Variants in DOK5 observed in about 807,000 individuals in gnomAD.
DOK5 encodes the protein downstream of tyrosine kinase 5.
Under a neutral mutation model 43.3 loss-of-function variants are expected in DOK5, and 27 were observed. The ratio of observed to expected loss-of-function variants is 0.62; its 90% CI spans 0.46 to 0.86. The LOEUF is 0.86. Ranked by LOEUF, DOK5 falls within the 40% of genes least tolerant of loss-of-function variation. The pLI is 0.00. For missense variants in DOK5, 373 were observed against 392.9 expected (o/e 0.95, Z 0.43); for synonymous variants, 146 against 140.1 (o/e 1.04, Z -0.30).
At chr20:54,476,296 G>T (rs1981422335) in intron 1 of DOK5, 1 of 868,086 alleles carries the variant, frequency 1.2e-6, no homozygotes, top group Admixed American at 6.2e-5. Flanking sequence ...AATATTTCTC[G>T]GTAGCCATGG....
At chr20:54,547,863 G>C (rs1984399181) in intron 1 of DOK5, among the ~76,000 whole-genome samples, 1 of 152,096 alleles carries the variant, frequency 6.6e-6, no homozygotes, top group African/African-American at 2.4e-5. Context: ...TTCAAATCAG[G>C]GGCTTTGAAG....
In DOK5 at chr20:54,643,504, T is replaced by A. The variant is rs902035867; in HGVS notation, c.782T>A (p.Val261Glu). Residue 261 changes from valine (V) to glutamate (E), a missense_variant, in exon 7 of 8, where the codon GTG (valine) becomes GAG (glutamate). Physicochemically the swap from Val to Glu is moderately radical, Grantham distance 121. Coordinates refer to ENST00000262593, the MANE Select transcript of DOK5 (RefSeq NM_018431.5). ...CGGGCCGCCTCGCTGAGCACCATGG[T>A]GCCCCTGCCTCGCAGCGCCTACTGG... ...SERAASLSTM[V>E]PLPRSAYWQH... 5.0e-6 allele frequency: 8 copies of A among 1,613,566 alleles called. No individual in the cohort carries two copies. Among genetic ancestry groups the A allele is most frequent in the African/African-American group, 1.3e-5 (1 of 74,934 alleles).
intron 5 of DOK5, among the ~76,000 whole-genome samples, chr20:54,601,868 A>T (rs1986308118): frequency 6.6e-6 from 1 of 152,228 alleles, no homozygotes; most frequent in Non-Finnish European, 1.5e-5. Flanking sequence ...CTTTAATTAA[A>T]GCTGATCCTT....
At chr20:54,640,161 T>C (rs1600760369) in intron 6 of DOK5, among the ~76,000 whole-genome samples, 1 of 152,094 alleles carries the variant, frequency 6.6e-6, no homozygotes, top group Non-Finnish European at 1.5e-5. Flanking sequence ...CAAGCAGGCA[T>C]GGGGAGAACG....
intron 1 of DOK5, among the ~76,000 whole-genome samples, chr20:54,533,011 G>A (rs909730574): frequency 2.0e-5 from 3 of 152,194 alleles, no homozygotes; most frequent in African/African-American, 7.2e-5. Context: ...AAGTACTTTG[G>A]TTGTACATTG....
chr20:54,570,779 T>C (rs915684099), intron 2 of DOK5, among the ~76,000 whole-genome samples: 6 of 152,188 alleles, frequency 3.9e-5, no homozygotes, highest in Admixed American at 3.3e-4. Context: ...AAAAATCCCA[T>C]TGTAGTAATC....
At chr20:54,496,342 A>G (rs1743460702) in intron 1 of DOK5, among the ~76,000 whole-genome samples, 1 of 152,214 alleles carries the variant, frequency 6.6e-6, no homozygotes, top group African/African-American at 2.4e-5. Flanking sequence ...GACTAACAGG[A>G]AGAATATAAG....
At chr20:54,500,154 A>C (rs1425998170) in intron 1 of DOK5, among the ~76,000 whole-genome samples, 1 of 152,216 alleles carries the variant, frequency 6.6e-6, no homozygotes, top group Admixed American at 6.5e-5. Flanking sequence ...AGTGAATGCC[A>C]TACAACTGAC....
chr20:54,603,135 A>G (rs899114), intron 5 of DOK5, among the ~76,000 whole-genome samples: 136 of 152,344 alleles, frequency 8.9e-4, no homozygotes, highest in Non-Finnish European at 1.3e-3. Flanking sequence ...AACCATCATG[A>G]AAGTTGTTTG....
chr20:54,568,910 C>A (rs1305841143), intron 2 of DOK5, among the ~76,000 whole-genome samples: 1 of 143,690 alleles, frequency 7.0e-6, no homozygotes, highest in Admixed American at 7.4e-5. Flanking sequence ...CCAGCCTGGG[C>A]GACAGAGCAA....
chr20:54,574,762 TA>T (rs1476286330), intron 2 of DOK5, among the ~76,000 whole-genome samples: 4 of 152,024 alleles, frequency 2.6e-5, no homozygotes, highest in African/African-American at 7.3e-5. Context: ...ATTGGGGGAT[TA>T]AAAAAATAGT....
intron 1 of DOK5, among the ~76,000 whole-genome samples, chr20:54,481,172 A>ATCTG (rs200356769): frequency 6.7e-6 from 1 of 148,854 alleles, no homozygotes; most frequent in East Asian, 2.1e-4. Context: ...CTATCTATCT[A>ATCTG]TCTATCTATA....
In DOK5 at chr20:54,643,652, C is replaced by T. The variant is rs551172309; in HGVS notation, c.856+74C>T. On this transcript the variant is annotated intron_variant, in intron 7 of 7. Coordinates refer to ENST00000262593, the MANE Select transcript of DOK5 (RefSeq NM_018431.5). ...ACTGGGGAGGGGGCTCAGCTCAACT[C>T]GCAGCTGCTGCATGCCAGCTGGTTA... The T allele has an allele frequency of 8.8e-5, 134 of 1,524,238 alleles. No individual in the cohort carries two copies. In the African/African-American group the frequency reaches 1.5e-3, roughly 17 times the overall value. 94.4% of individuals were successfully genotyped at this position (1,524,238 alleles called of 1,614,324 possible).
chr20:54,605,437 A>G (rs888381383), intron 5 of DOK5, among the ~76,000 whole-genome samples: 4 of 152,218 alleles, frequency 2.6e-5, no homozygotes, highest in South Asian at 2.1e-4. Context: ...GTCCCAGCAC[A>G]TGCACACTTG....
intron 2 of DOK5, among the ~76,000 whole-genome samples, chr20:54,562,650 T>C (rs1984948339): frequency 1.3e-5 from 2 of 152,116 alleles, no homozygotes; most frequent in African/African-American, 4.8e-5. Flanking sequence ...ACTCGTGGGC[T>C]CAAGTGATTC....
intron 5 of DOK5, among the ~76,000 whole-genome samples, chr20:54,602,792 G>C (rs1986337209): frequency 6.6e-6 from 1 of 151,974 alleles, no homozygotes; most frequent in Admixed American, 6.6e-5. Flanking sequence ...CCTTACCTCA[G>C]CCTCCCGAGT....
At chr20:54,477,724 A>C (rs1026077781) in intron 1 of DOK5, among the ~76,000 whole-genome samples, 2 of 152,162 alleles carry the variant, frequency 1.3e-5, no homozygotes, top group African/African-American at 2.4e-5. Flanking sequence ...TGAGACATCC[A>C]TTCTGTGTTA....
intron 1 of DOK5, among the ~76,000 whole-genome samples, chr20:54,544,935 G>T (rs1984288505): frequency 6.6e-6 from 1 of 152,132 alleles, no homozygotes; most frequent in South Asian, 2.1e-4. Flanking sequence ...AATCATGGCT[G>T]GTAATTCTTT....
chr20:54,552,125 G>C lies in DOK5; in HGVS notation c.67-2808G>C, dbSNP rs890984332. On this transcript the variant is annotated intron_variant, in intron 1 of 7. Transcript: ENST00000262593. ...TTACAGGCATGAGCCACCTTGCCCA[G>C]CCATACAGTATTAACTTTTATTAAA... 3.3e-5 allele frequency among the ~76,000 whole-genome samples: 5 copies of C among 152,336 alleles called. No individual in the cohort carries two copies. In the East Asian group the frequency reaches 9.6e-4, roughly 29 times the overall value.
Sources: allele counts gnomAD v4.1 joint callset (sites outside exome capture counted in the v4.1 genomes callset), GRCh38; gene constraint gnomAD v4.1.1; transcripts MANE v1.5; gene names NCBI Gene and HGNC (gene_info 2026-07-23, HGNC 2026-07-21).